CRY1: variants seen among roughly 807,000 people sequenced by gnomAD.
CRY1 encodes the protein cryptochrome-1.
A neutral mutation model predicts 76.0 loss-of-function variants in CRY1; 45 were observed. That is an observed-to-expected ratio of 0.59 (90% confidence interval 0.47 to 0.76). The LOEUF (loss-of-function observed/expected upper bound fraction) is 0.76. Among genes scored for constraint, CRY1 ranks in the 30% least tolerant of loss-of-function variants. The probability of loss-of-function intolerance (pLI) is 0.00; values close to 1 mark genes in which losing one functional copy is unlikely to be tolerated. For missense variants in CRY1, 587 were observed against 716.4 expected (o/e 0.82, Z 2.06); for synonymous variants, 248 against 244.0 (o/e 1.02, Z -0.15).
At chr12:107,036,945 T>C (rs1952740372) in intron 1 of CRY1, among the ~76,000 whole-genome samples, 1 of 152,136 alleles carries the variant, frequency 6.6e-6, no homozygotes, top group African/African-American at 2.4e-5. Context: ...GCCCCCTTCC[T>C]TGCTATCTCT....
intron 2 of CRY1, among the ~76,000 whole-genome samples, chr12:107,011,826 T>G (rs1413020614): frequency 6.6e-6 from 1 of 152,200 alleles, no homozygotes; most frequent in Non-Finnish European, 1.5e-5. Flanking sequence ...AAACTACAGA[T>G]TTTCAGTGTT....
At chr12:107,042,159 A>T (rs1205019612) in intron 1 of CRY1, among the ~76,000 whole-genome samples, 1 of 152,216 alleles carries the variant, frequency 6.6e-6, no homozygotes, top group East Asian at 1.9e-4. Context: ...AATGAGGGAG[A>T]AGGAACAACT....
At chr12:107,040,171 C>T (rs1730521046) in intron 1 of CRY1, among the ~76,000 whole-genome samples, 1 of 151,392 alleles carries the variant, frequency 6.6e-6, no homozygotes, top group African/African-American at 2.4e-5. Context: ...GCAGAGAATA[C>T]ATAGAATGGT....
chr12:107,047,506 T>C (rs1395679610), intron 1 of CRY1, among the ~76,000 whole-genome samples: 1 of 152,144 alleles, frequency 6.6e-6, no homozygotes, highest in Non-Finnish European at 1.5e-5. Flanking sequence ...AGGTGGAAGG[T>C]AATTGAATCA....
chr12:106,996,748 A>C (rs1308841334), intron 10 of CRY1, among the ~76,000 whole-genome samples: 1 of 152,236 alleles, frequency 6.6e-6, no homozygotes, highest in Non-Finnish European at 1.5e-5. Context: ...ATGATGGTTC[A>C]AATTTCTAAC....
chr12:106,999,038 C>T (rs1316081458), intron 7 of CRY1, among the ~76,000 whole-genome samples: 3 of 135,346 alleles, frequency 2.2e-5, no homozygotes, highest in South Asian at 2.3e-4. Context: ...TGAGAGACTC[C>T]GTCTCAAAAA....
intron 1 of CRY1, among the ~76,000 whole-genome samples, chr12:107,025,194 A>T (rs1253381230): frequency 6.6e-6 from 1 of 152,226 alleles, no homozygotes; most frequent in African/African-American, 2.4e-5. Flanking sequence ...AGAAACAAAC[A>T]CATTTTTTTA....
intron 1 of CRY1, among the ~76,000 whole-genome samples, chr12:107,048,732 CT>C (rs1952878679): frequency 6.6e-6 from 1 of 152,162 alleles, no homozygotes; most frequent in Admixed American, 6.5e-5. Flanking sequence ...TTAACTTCAG[CT>C]ATCGTATTTT....
rs1268555401 is a variant in CRY1, at chr12:107,093,527, C to A, written c.-566G>T. ...GGACGGTTGCCGGCCGGTGACCGGT[C>A]CCGAGGCTGCCCGGGTGACTCTGCC... On this transcript the variant is annotated 5_prime_UTR_variant, in exon 1 of 13. Transcript: ENST00000008527. 3.3e-5 allele frequency: 5 copies of A among 152,326 alleles called. No individual in the cohort carries two copies. Among genetic ancestry groups the A allele is most frequent in the African/African-American group, 7.2e-5 (3 of 41,462 alleles). 9.4% of individuals were successfully genotyped at this position (152,326 alleles called of 1,614,324 possible).
At chr12:107,000,713 G>T (rs934259566) in intron 5 of CRY1, among the ~76,000 whole-genome samples, 1 of 152,044 alleles carries the variant, frequency 6.6e-6, no homozygotes, top group Admixed American at 6.6e-5. Context: ...ACAGTGGTAC[G>T]ATCTTGGCTT....
intron 12 of CRY1, chr12:106,992,210 A>C (rs1952187546): frequency 6.6e-6 from 1 of 152,178 alleles, no homozygotes; most frequent in South Asian, 2.1e-4. Flanking sequence ...CCAACGTATA[A>C]ATATTTTTCA....
chr12:107,063,818 G>A (rs527312366), intron 1 of CRY1, among the ~76,000 whole-genome samples: 19 of 151,996 alleles, frequency 1.3e-4, no homozygotes, highest in African/African-American at 3.1e-4. Flanking sequence ...GGCTGGTCTC[G>A]AATCCCTGAC....
intron 1 of CRY1, among the ~76,000 whole-genome samples, chr12:107,066,544 C>G (rs1196626581): frequency 6.6e-6 from 1 of 152,026 alleles, no homozygotes; most frequent in Non-Finnish European, 1.5e-5. Context: ...CAGCCTCGAC[C>G]TCCCAGGTCC....
chr12:106,993,161 T>A, intron 10 of CRY1, 125 bp from the exon 11 acceptor site: 2 of 859,478 alleles, frequency 2.3e-6, no homozygotes, highest in Non-Finnish European at 3.5e-6. Flanking sequence ...TAAGACTAAA[T>A]CTCAATCTTC....
intron 3 of CRY1, among the ~76,000 whole-genome samples, chr12:107,002,721 T>A (rs1952325632): frequency 6.6e-6 from 1 of 152,144 alleles, no homozygotes; most frequent in South Asian, 2.1e-4. Flanking sequence ...GAGTTGTAAC[T>A]CCCACAATTC....
At chr12:107,021,972 A>T in intron 2 of CRY1, 112 bp downstream of exon 2, 2 of 792,322 alleles carry the variant, frequency 2.5e-6, no homozygotes, top group Non-Finnish European at 4.0e-6. Flanking sequence ...CAAAATTTTT[A>T]CTTGAAAATA....
In CRY1 at chr12:106,997,923, G is replaced by A. The variant is rs1952252219; in HGVS notation, c.1281C>T (p.Asp427=). Residue 427 remains aspartate, a synonymous_variant, in exon 8 of 13, where the codon GAC becomes GAT. Coordinates refer to ENST00000008527, the MANE Select transcript of CRY1 (RefSeq NM_004075.5). ...AATCACCCTTGATTTACCTGATATA[G>A]TCTCCATTGGGATCTGTTCTCCTAC... ...GFGRRTDPNG[D]YIRRYLPVLR... is the part of the protein sequence containing the mutation. 1.9e-6 allele frequency: 3 copies of A among 1,613,612 alleles called. No individual in the cohort carries two copies. In the East Asian group the frequency reaches 6.7e-5, roughly 36 times the overall value.
Position 106,996,512 on chromosome 12 carries a change from G to T in CRY1, c.1585+782C>A, listed in dbSNP as rs542938923. Among the ~76,000 whole-genome samples the T allele has an allele frequency of 1.1e-4, 16 of 152,270 alleles. No individual in the cohort carries two copies. In the South Asian group the frequency reaches 2.1e-3, roughly 20 times the overall value. ...AGTAATGGGATTGCTCAGTCAAATG[G>T]TATTCCTGCTTCTAGATCTTTGAGG... On this transcript the variant is annotated intron_variant, in intron 10 of 12. Coordinates refer to ENST00000008527, the MANE Select transcript of CRY1 (RefSeq NM_004075.5).
intron 2 of CRY1, among the ~76,000 whole-genome samples, chr12:107,011,815 T>C (rs1405154457): frequency 2.0e-5 from 3 of 152,248 alleles, no homozygotes; most frequent in Admixed American, 6.5e-5. Context: ...GTGGCTACAC[T>C]AAACTACAGA....
Sources: gnomAD v4.1 joint callset for allele counts (sites outside exome capture counted in the v4.1 genomes callset) on GRCh38, gnomAD v4.1.1 for gene constraint, MANE v1.5 for transcripts, NCBI Gene and HGNC (gene_info 2026-07-23, HGNC 2026-07-21) for gene names.